Variants in KLC1 observed in about 807,000 individuals in gnomAD.
The protein encoded by KLC1 is kinesin 2 60/70kDa.
In KLC1, 30 loss-of-function variants were observed where a neutral mutation model predicts 84.2. That is an observed-to-expected ratio of 0.36 (90% confidence interval 0.27 to 0.48). The LOEUF (loss-of-function observed/expected upper bound fraction) is 0.48. KLC1 is among the 20% of genes least tolerant of loss of function. KLC1 has a pLI of 0.99. For synonymous variants in KLC1, 289 were observed against 293.3 expected (o/e 0.99, Z 0.15); for missense variants, 499 against 805.4 (o/e 0.62, Z 4.60).
At chr14:103,692,691 C>T (rs2082189886) in intron 15 of KLC1, among the ~76,000 whole-genome samples, 3 of 152,194 alleles carry the variant, frequency 2.0e-5, no homozygotes, top group African/African-American at 7.2e-5. Context: ...AATAGTTTAA[C>T]CTAATTAATG....
rs530634953 is a variant in KLC1, at chr14:103,685,306, C to CT, written c.1651-1773dup. On this transcript the variant is annotated intron_variant, in intron 13 of 16. Transcript: ENST00000334553. Reference sequence around the variant, plus strand: ...CCTATGTTTTTCATTGCATAATCTCCTTATATACAGTTACTTGTAAAGCCT... The same window carrying CT: ...CCTATGTTTTTCATTGCATAATCTCCTTTATATACAGTTACTTGTAAAGCCT... The CT allele has an allele frequency of 1.3e-3, 1,680 of 1,327,350 alleles. 23 individuals carry two copies. The African/African-American group carries it at 0.022, about 18-fold the overall frequency. 82.2% of individuals were successfully genotyped at this position (1,327,350 alleles called of 1,614,324 possible). A position where few individuals can be genotyped will look rare whatever the true frequency, so the allele number is the denominator to read the frequency against.
At chr14:103,685,983 T>C (rs1481220176) in intron 13 of KLC1, 2 of 1,112,758 alleles carry the variant, frequency 1.8e-6, no homozygotes, top group Non-Finnish European at 2.2e-6. Context: ...TGCAATGGCA[T>C]GACGGTGACC....
intron 5 of KLC1, among the ~76,000 whole-genome samples, chr14:103,667,619 AGCCACC>A (rs942032570): frequency 6.6e-6 from 1 of 152,210 alleles, no homozygotes; most frequent in Admixed American, 6.5e-5. Context: ...TGCAGGTGTG[AGCCACC>A]GCACCTGGCC....
At chr14:103,699,147 TGCTGC>T in intron 15 of KLC1, 1 of 1,570,772 alleles carries the variant, frequency 6.4e-7, no homozygotes, top group Non-Finnish European at 8.6e-7. Flanking sequence ...GCGGCCCGTG[TGCTGC>T]GCCCTGCTCC....
chr14:103,647,950 A>G (rs551123004), intron 1 of KLC1, among the ~76,000 whole-genome samples: 1 of 149,252 alleles, frequency 6.7e-6, no homozygotes, highest in South Asian at 2.2e-4. Flanking sequence ...GTCTATTTGT[A>G]TTGGGTTTTT....
chr14:103,696,180 C>G, intron 15 of KLC1: 1 of 970,898 alleles, frequency 1.0e-6, no homozygotes, highest in Non-Finnish European at 1.2e-6. Context: ...GATCTGTGGG[C>G]GGACAGCATA....
chr14:103,667,037 G>A (rs192245088), intron 5 of KLC1, among the ~76,000 whole-genome samples: 42 of 143,754 alleles, frequency 2.9e-4, no homozygotes, highest in East Asian at 2.5e-3. Flanking sequence ...CCTTAGCCTC[G>A]CAAAGTGTTG....
At chr14:103,676,292 G>C (rs1319146615) in intron 11 of KLC1, among the ~76,000 whole-genome samples, 8 of 151,894 alleles carry the variant, frequency 5.3e-5, no homozygotes, top group Admixed American at 5.2e-4. Context: ...TTTTGAGATG[G>C]AGTTTCGCTC....
At chr14:103,633,504 G>A (rs1214887067) in intron 1 of KLC1, among the ~76,000 whole-genome samples, 1 of 152,118 alleles carries the variant, frequency 6.6e-6, no homozygotes, top group Non-Finnish European at 1.5e-5. Context: ...GTGACAGAAG[G>A]AACAGAGAAG....
In KLC1 at chr14:103,676,948, C is replaced by T. The variant is rs1055318347; in HGVS notation, c.1380-467C>T. 2.0e-5 allele frequency among the ~76,000 whole-genome samples: 3 copies of T among 152,338 alleles called. No individual in the cohort carries two copies. In the South Asian group the frequency reaches 6.2e-4, roughly 32 times the overall value. ...TGGTACATGAAGCATTTATCCTCTG[C>T]CCTCACACCCCACTGATAAGGAGGT... On this transcript the variant is annotated intron_variant, in intron 11 of 16. Transcript: ENST00000334553.
intron 11 of KLC1, among the ~76,000 whole-genome samples, chr14:103,676,916 G>A (rs561042094): frequency 6.6e-6 from 1 of 152,332 alleles, no homozygotes; most frequent in East Asian, 1.9e-4. Context: ...TCTGCTTATT[G>A]CTTCCCTGGT....
intron 15 of KLC1, chr14:103,695,744 T>G (rs546401135): frequency 6.1e-6 from 6 of 985,442 alleles, no homozygotes; most frequent in African/African-American, 1.7e-5. Flanking sequence ...CATGGGACTT[T>G]AGGGCCGAGG....
At chr14:103,648,980 T>A (rs2078171628) in intron 1 of KLC1, among the ~76,000 whole-genome samples, 1 of 147,850 alleles carries the variant, frequency 6.8e-6, no homozygotes, top group Admixed American at 6.7e-5. Context: ...CTACTAAAAA[T>A]ACAAAAGTTA....
intron 7 of KLC1, among the ~76,000 whole-genome samples, chr14:103,672,727 A>G (rs1309828515): frequency 2.6e-5 from 4 of 152,254 alleles, no homozygotes; most frequent in African/African-American, 9.6e-5. Flanking sequence ...ACATTTGTAC[A>G]TAGTACAACC....
intron 14 of KLC1, among the ~76,000 whole-genome samples, chr14:103,689,403 G>A (rs1372988203): frequency 1.3e-5 from 2 of 152,212 alleles, no homozygotes; most frequent in Non-Finnish European, 2.9e-5. Context: ...AGCACTGCCA[G>A]CCTGAACCAT....
At chr14:103,691,654 A>C (rs1279243013) in intron 14 of KLC1, among the ~76,000 whole-genome samples, 1 of 151,744 alleles carries the variant, frequency 6.6e-6, no homozygotes, top group Non-Finnish European at 1.5e-5. Context: ...ATTTTAGTAG[A>C]GATGGGGTTT....
chr14:103,669,456 A>G, intron 5 of KLC1, 55 bp from the exon 6 acceptor site: 1 of 1,063,400 alleles, frequency 9.4e-7, no homozygotes, highest in Non-Finnish European at 1.4e-6. Context: ...AGAAAAGAAA[A>G]GAAAAGCTGT....
intron 5 of KLC1, among the ~76,000 whole-genome samples, chr14:103,665,402 C>G (rs1405470448): frequency 6.6e-6 from 1 of 151,910 alleles, no homozygotes; most frequent in Non-Finnish European, 1.5e-5. Flanking sequence ...GTCTGTCTGT[C>G]TGTCTTTCTG....
chr14:103,663,204 C>CGAGTAGCT (rs1015590743), intron 5 of KLC1, among the ~76,000 whole-genome samples: 4 of 151,754 alleles, frequency 2.6e-5, no homozygotes, highest in African/African-American at 9.7e-5. Flanking sequence ...CTCAGCCTCC[C>CGAGTAGCT]GAGTAGCTGG....
Sources: allele counts gnomAD v4.1 joint callset (sites outside exome capture counted in the v4.1 genomes callset), GRCh38; gene constraint gnomAD v4.1.1; transcripts MANE v1.5; gene names NCBI Gene and HGNC (gene_info 2026-07-23, HGNC 2026-07-21).